The following CTPS1 variants were observed in gnomAD, a reference collection of about 807,000 sequenced individuals.
CTPS1 encodes CTP synthase 1, also known as CTP synthetase 1.
A neutral mutation model predicts 80.5 loss-of-function variants in CTPS1; 25 were observed. The observed-to-expected ratio is 0.31, with a 90% CI of 0.23 to 0.43. The LOEUF (loss-of-function observed/expected upper bound fraction) is 0.43. Ranked by LOEUF, CTPS1 falls within the 20% of genes least tolerant of loss-of-function variation. The pLI, the probability that CTPS1 is intolerant of heterozygous loss-of-function variation, is 1.00. For missense variants in CTPS1, 442 were observed against 725.7 expected (o/e 0.61, Z 4.49); for synonymous variants, 267 against 252.5 (o/e 1.06, Z -0.54).
At chr1:41,000,991 A>AC in intron 9 of CTPS1, 38 bp from the exon 10 acceptor site, 1 of 1,454,048 alleles carries the variant, frequency 6.9e-7, no homozygotes, top group Non-Finnish European at 9.4e-7. Context: ...GCCTGGGGTC[A>AC]CGAGCCTGCT....
At chr1:40,984,691 G>C (rs1428480870) in intron 2 of CTPS1, 130 bp from the exon 3 acceptor site, 23 of 662,222 alleles carry the variant, frequency 3.5e-5, no homozygotes, top group Non-Finnish European at 4.7e-5. Flanking sequence ...TAGTCTTCTA[G>C]AAGTGAATTT....
At chr1:41,001,413 C>T (rs1558159236) in intron 10 of CTPS1, 1 of 287,634 alleles carries the variant, frequency 3.5e-6, no homozygotes, top group Non-Finnish European at 6.6e-6. Context: ...AGAGTCTCAT[C>T]AGTTGTTTTG....
Position 40,997,496 on chromosome 1 carries a change from A to G in CTPS1, c.975A>G (p.Ala325=). 6.2e-7 allele frequency: 1 copy of G among 1,614,164 alleles called. No homozygotes were observed. The highest frequency in any genetic ancestry group is 8.5e-7 in the Non-Finnish European group (1 of 1,180,020). Residue 325 remains alanine (A), a synonymous_variant, in exon 9 of 19, where the codon GCA becomes GCG. Transcript: ENST00000650070. Reference sequence around the variant, plus strand: ...TCATTAAGGCTCTGGAGCATTCTGCACTGGCCATCAACCACAAATTGGAAA... The same window carrying G: ...TCATTAAGGCTCTGGAGCATTCTGCGCTGGCCATCAACCACAAATTGGAAA... ...ASVIKALEHS[A]LAINHKLEIK...
At chr1:40,990,866 G>A (rs1642588123) in intron 5 of CTPS1, among the ~76,000 whole-genome samples, 1 of 152,170 alleles carries the variant, frequency 6.6e-6, no homozygotes. Flanking sequence ...AATAGAAAAT[G>A]CCTCCAAGTA....
At chr1:41,005,518 T>C (rs751453351) in intron 12 of CTPS1, among the ~76,000 whole-genome samples, 1 of 152,160 alleles carries the variant, frequency 6.6e-6, no homozygotes, top group South Asian at 2.1e-4. Context: ...GCCATTAGTT[T>C]TGATTTTCCC....
chr1:40,982,919 CA>C (rs1030349755), intron 1 of CTPS1, among the ~76,000 whole-genome samples: 15 of 152,278 alleles, frequency 9.9e-5, no homozygotes, highest in Admixed American at 9.2e-4. Context: ...CCTGGTATCC[CA>C]GTGTCTGGCA....
At chr1:40,983,155 G>A in intron 1 of CTPS1, 123 bp from the exon 2 acceptor site, 1 of 734,780 alleles carries the variant, frequency 1.4e-6, no homozygotes, top group Non-Finnish European at 2.2e-6. Flanking sequence ...GAAGTCCTGT[G>A]ACAGAGAAAC....
chr1:40,997,622 C>A, intron 9 of CTPS1, 96 bp downstream of exon 9: 3 of 1,401,264 alleles, frequency 2.1e-6, no homozygotes, highest in African/African-American at 1.5e-5. Flanking sequence ...GTTTGGAGCT[C>A]AGAATTACTT....
Position 40,988,728 on chromosome 1 carries a change from A to G in CTPS1, c.555+18A>G. On this transcript the variant is annotated intron_variant, in intron 5 of 18. Coordinates refer to ENST00000650070, the MANE Select transcript of CTPS1 (RefSeq NM_001905.4). ...TTCCCCAGGTAAGTAAGACATTGAA[A>G]GTTTTACTTTGGGGGAGATGGAGAG... 1 of 1,539,970 alleles carries G rather than the reference A, an allele frequency of 6.5e-7. No homozygotes were observed. The highest frequency in any genetic ancestry group is 9.0e-7 in the Non-Finnish European group (1 of 1,112,776).
Position 41,008,699 on chromosome 1 carries a change from C to T in CTPS1, c.1434C>T (p.His478=). 6.2e-7 allele frequency: 1 copy of T among 1,614,160 alleles called. No individual in the cohort carries two copies. The stretch of plus-strand genomic sequence containing the variant: ...ACGCAGACTACTTGGAAGAGAGGCA[C>T]CGCCACCGATTTGAGGTGAGGATTC... ...YGDADYLEER[H]RHRFEVNPVW... The change falls in exon 15 of 19, where the codon CAC becomes CAT. Residue 478 remains histidine (H), a synonymous_variant. Transcript: ENST00000650070.
intron 17 of CTPS1, 92 bp from the exon 18 acceptor site, chr1:41,010,069 C>G: frequency 1.3e-6 from 1 of 757,482 alleles, no homozygotes; most frequent in Non-Finnish European, 2.3e-6. Context: ...CATGTGCAGG[C>G]AAGTGTCCCT....
In CTPS1 at chr1:40,979,818, A is replaced by C. The variant is rs1169892959; in HGVS notation, c.-25A>C. On this transcript the variant is annotated 5_prime_UTR_variant, in exon 1 of 19. Transcript: ENST00000650070. ...CTCTGTCGCTGACGGGAGGATCTGA[A>C]GCCGGCCGCAGGTAGGCTGACTCCA... is the stretch of plus-strand genomic sequence containing the variant. 6.6e-6 allele frequency: 1 copy of C among 152,114 alleles called. No homozygotes were observed. The highest frequency in any genetic ancestry group is 1.5e-5 in the Non-Finnish European group (1 of 68,046). The allele number at this position is 152,114 out of a possible 1,614,324, so 9.4% of individuals were successfully genotyped here.
chr1:40,985,524 G>GT (rs1225840308), intron 3 of CTPS1, among the ~76,000 whole-genome samples: 1 of 152,110 alleles, frequency 6.6e-6, no homozygotes, highest in African/African-American at 2.4e-5. Flanking sequence ...CTGTTTTGGG[G>GT]TTTTGTACAA....
chr1:41,001,004 T>G, intron 9 of CTPS1, 25 bp from the exon 10 acceptor site: 1 of 1,556,424 alleles, frequency 6.4e-7, no homozygotes, highest in Middle Eastern at 1.7e-4. Context: ...AGCCTGCTTT[T>G]CTCCCCTGTC....
intron 9 of CTPS1, among the ~76,000 whole-genome samples, chr1:40,998,398 A>G (rs1204531092): frequency 1.9e-4 from 5 of 26,368 alleles, no homozygotes; most frequent in East Asian, 1.2e-3. Flanking sequence ...ACTCTGTCTA[A>G]AAAAAAAAAA....
At position 41,009,800 on chromosome 1, in the gene CTPS1, G is replaced by A. The variant is rs533503242; in HGVS notation, c.1691+211G>A. On this transcript the variant is annotated intron_variant, in intron 17 of 18. Transcript: ENST00000650070. ...CCCTTTCTGCAGCATCTGAGCTCTG[G>A]TGGTGCTGACCAGATCACACTTGGC... Among the ~76,000 whole-genome samples, 10 of 152,274 alleles carry A rather than the reference G, an allele frequency of 6.6e-5. No individual in the cohort carries two copies. In the East Asian group the frequency reaches 1.7e-3, roughly 26 times the overall value.
intron 1 of CTPS1, chr1:40,980,437 C>A (rs1184055262): frequency 6.6e-6 from 1 of 152,310 alleles, no homozygotes; most frequent in African/African-American, 2.4e-5. Context: ...GGGGTCGGGG[C>A]GCTGGCGGTG....
At chr1:40,988,185 A>C (rs968587584) in intron 4 of CTPS1, among the ~76,000 whole-genome samples, 1 of 152,100 alleles carries the variant, frequency 6.6e-6, no homozygotes, top group Admixed American at 6.5e-5. Context: ...AAGTGTTAGG[A>C]TTACAGATGT....
chr1:40,983,235 G>T, intron 1 of CTPS1, 43 bp from the exon 2 acceptor site: 3 of 1,556,016 alleles, frequency 1.9e-6, no homozygotes, highest in Non-Finnish European at 2.6e-6. Flanking sequence ...AGTTTGGTTT[G>T]TTGAGATACA....
Sources: gnomAD v4.1 joint callset for allele counts (sites outside exome capture counted in the v4.1 genomes callset) on GRCh38, gnomAD v4.1.1 for gene constraint, MANE v1.5 for transcripts, NCBI Gene and HGNC (gene_info 2026-07-23, HGNC 2026-07-21) for gene names.